CATSPERE: variants seen among roughly 807,000 people sequenced by gnomAD.
The protein encoded by CATSPERE is cation channel sperm-associated auxiliary subunit epsilon.
A neutral mutation model predicts 114.1 loss-of-function variants in CATSPERE; 93 were observed. The observed-to-expected ratio is 0.81, with a 90% CI of 0.69 to 0.97. The LOEUF is 0.97. CATSPERE is among the 50% of genes least tolerant of loss of function. The probability of loss-of-function intolerance (pLI) is 0.00; values close to 1 mark genes in which losing one functional copy is unlikely to be tolerated. For synonymous variants in CATSPERE, 341 were observed against 384.1 expected, an observed-to-expected ratio of 0.89 and a Z score of 1.31; for missense variants, 1,058 against 1,131.6, an observed-to-expected ratio of 0.93 and a Z score of 0.93.
At chr1:244,591,589 C>G (rs893575234) in intron 14 of CATSPERE, 92 bp from the exon 15 acceptor site, 23 of 696,130 alleles carry the variant, frequency 3.3e-5, no homozygotes, top group Non-Finnish European at 5.1e-5. Flanking sequence ...CTGACACTCT[C>G]CTGTTTGAGA....
intron 2 of CATSPERE, among the ~76,000 whole-genome samples, chr1:244,477,297 A>G (rs565868600): frequency 1.2e-4 from 19 of 152,314 alleles, no homozygotes; most frequent in South Asian, 4.1e-4. Context: ...CACCCGGCCA[A>G]TGGATTATTG....
At chr1:244,478,854 C>A (rs1242701290) in intron 4 of CATSPERE, among the ~76,000 whole-genome samples, 1 of 151,572 alleles carries the variant, frequency 6.6e-6, no homozygotes, top group Non-Finnish European at 1.5e-5. Flanking sequence ...ATAGTGAAAC[C>A]CCGTCTCTGC....
At position 244,504,768 on chromosome 1, in the gene CATSPERE, A is replaced by G. The variant is rs1674566427; in HGVS notation, c.429+5689A>G. Among the ~76,000 whole-genome samples the G allele has an allele frequency of 6.6e-6, 1 of 152,228 alleles. No homozygotes were observed. Among genetic ancestry groups the G allele is most frequent in the Non-Finnish European group, 1.5e-5 (1 of 68,050 alleles). On this transcript the variant is annotated intron_variant, in intron 7 of 21. Transcript: ENST00000366534. The surrounding 1 kb of genome is among the most constrained non-coding windows in gnomAD (Gnocchi z 4.1). ...ATTACGCGCAATCAAGGGCGCATAC[A>G]ATCATATGATGTGTCGCTGCTGATG...
chr1:244,609,716 A>C (rs10927279), intron 18 of CATSPERE, among the ~76,000 whole-genome samples: 95,769 of 152,070 alleles, frequency 0.63, 31,967 homozygotes, highest in Middle Eastern at 0.8. Context: ...AGATGACACA[A>C]CTGTTCATGT....
At chr1:244,552,889 T>A in intron 9 of CATSPERE, 75 bp downstream of exon 9, 1 of 788,826 alleles carries the variant, frequency 1.3e-6, no homozygotes, top group Non-Finnish European at 1.7e-6. Flanking sequence ...ATTTACTCAG[T>A]GATAAACAGA....
At chr1:244,528,084 A>G (rs949873672) in intron 8 of CATSPERE, among the ~76,000 whole-genome samples, 2 of 152,188 alleles carry the variant, frequency 1.3e-5, no homozygotes, top group African/African-American at 4.8e-5. Flanking sequence ...TCCATTAGCT[A>G]TTCTTCCTGA....
chr1:244,542,775 T>C (rs3003244), intron 8 of CATSPERE, among the ~76,000 whole-genome samples: 151,552 of 152,280 alleles, frequency 1, 75,421 homozygotes, highest in Middle Eastern at 1. Flanking sequence ...CCTGTCCACT[T>C]TGTAGACCTC....
rs142426439 is a variant in CATSPERE, at chr1:244,634,972, G to C, written c.2649-517G>C. Reference sequence around the variant, plus strand: ...AGATTCTCCCGCCTCAGCCTTCCAAGTAGCTGTGACTACAGGTGCCCACCA... The same window carrying C: ...AGATTCTCCCGCCTCAGCCTTCCAACTAGCTGTGACTACAGGTGCCCACCA... On this transcript the variant is annotated intron_variant, in intron 20 of 21. Coordinates refer to ENST00000366534, the MANE Select transcript of CATSPERE (RefSeq NM_001130957.2). Among the ~76,000 whole-genome samples the C allele has an allele frequency of 3.7e-3, 569 of 152,270 alleles. 8 individuals carry two copies. The highest frequency in any genetic ancestry group is 0.031 in the Admixed American group (472 of 15,302).
At chr1:244,580,296 C>T (rs965644059) in intron 11 of CATSPERE, among the ~76,000 whole-genome samples, 1 of 146,600 alleles carries the variant, frequency 6.8e-6, no homozygotes, top group Non-Finnish European at 1.5e-5. Context: ...CAAGTGATCT[C>T]TTCGATAGGG....
rs1664593895 is a variant in CATSPERE, at chr1:244,572,345, T to C, written c.1523T>C (p.Ile508Thr). 1 of 1,435,294 alleles carries C rather than the reference T, an allele frequency of 7.0e-7. No homozygotes were observed. Among genetic ancestry groups the C allele is most frequent in the East Asian group, 2.4e-5 (1 of 42,060 alleles). 88.9% of individuals were successfully genotyped at this position (1,435,294 alleles called of 1,614,324 possible). ...HEVFIDYYGD[I>T]LVKMENNVIF... ...TTTTTTCCAGATTATTATGGAGATA[T>C]TTTGGTAAAAATGGAAAATAATGTA... Residue 508 changes from isoleucine to threonine, a missense_variant, in exon 11 of 22, where the codon ATT becomes ACT. Ile to Thr is a moderately conservative substitution (Grantham distance 89, BLOSUM62 -1). Around this residue, in one of 2 missense-constraint regions of CATSPERE, gnomAD observed 787 missense variants for 905.6 expected, o/e 0.87. Transcript: ENST00000366534.
rs1326525192 is a variant in CATSPERE, at chr1:244,625,426, A to ATTTTTTT, written c.2648+7741_2648+7742insTTTTTTT. 9.4e-3 allele frequency among the ~76,000 whole-genome samples: 37 copies of ATTTTTTT among 3,940 alleles called. 2 individuals carry two copies. The highest frequency in any genetic ancestry group is 0.018 in the Non-Finnish European group (28 of 1,518). The allele number at this position is 3,940 out of a possible 152,430, so 2.6% of individuals were successfully genotyped here. ...ATTATTTATATATATATATATATAT[A>ATTTTTTT]TATATATTTTTTTTTTTTTTTGAGA... is the stretch of plus-strand genomic sequence containing the variant. On this transcript the variant is annotated intron_variant, in intron 20 of 21. Transcript: ENST00000366534.
rs764503889 is a variant in CATSPERE at position 244,552,432 on chromosome 1, C to T, written c.647C>T (p.Thr216Ile). The part of the protein sequence containing the change: ...CFIADFLILL[T>I]FPLLTIPEIP... ...ATTGCAGATTTTCTTATTCTGTTGA[C>T]TTTTCCTTTGTTGACCATACCTGAA... is the stretch of plus-strand genomic sequence containing the variant. Residue 216 changes from threonine to isoleucine, a missense_variant, in exon 9 of 22, where the codon ACT becomes ATT. Thr to Ile is a moderately conservative substitution (Grantham distance 89, BLOSUM62 -1). Coordinates refer to ENST00000366534, the MANE Select transcript of CATSPERE (RefSeq NM_001130957.2). 7.4e-6 allele frequency: 12 copies of T among 1,614,156 alleles called. No individual in the cohort carries two copies. Among genetic ancestry groups the T allele is most frequent in the Non-Finnish European group, 1.0e-5 (12 of 1,180,022 alleles).
At chr1:244,455,645 G>T (rs1231982613) in intron 1 of CATSPERE, among the ~76,000 whole-genome samples, 1 of 151,500 alleles carries the variant, frequency 6.6e-6, no homozygotes, top group Non-Finnish European at 1.5e-5. Flanking sequence ...TATTTTTCTG[G>T]AAAAAGGTCT....
intron 17 of CATSPERE, 31 bp from the exon 18 acceptor site, chr1:244,605,664 C>T: frequency 6.9e-7 from 1 of 1,440,262 alleles, no homozygotes; most frequent in Non-Finnish European, 9.8e-7. Context: ...TTATATTAAA[C>T]TAGTATCTTT....
intron 19 of CATSPERE, among the ~76,000 whole-genome samples, chr1:244,613,725 C>T (rs1573009584): frequency 6.6e-6 from 1 of 152,254 alleles, no homozygotes; most frequent in East Asian, 1.9e-4. Flanking sequence ...AAGAATCCTT[C>T]AAAAATCCTT....
At chr1:244,494,046 A>G (rs1220137730) in intron 6 of CATSPERE, among the ~76,000 whole-genome samples, 4 of 152,170 alleles carry the variant, frequency 2.6e-5, no homozygotes, top group African/African-American at 9.7e-5. Flanking sequence ...CAGTGTGGCG[A>G]TTCCTCAGGG....
intron 11 of CATSPERE, among the ~76,000 whole-genome samples, chr1:244,581,397 G>T (rs976474517): frequency 3.9e-5 from 6 of 152,136 alleles, no homozygotes; most frequent in Admixed American, 6.5e-5. Flanking sequence ...TATACCTCCT[G>T]AAAAGCACAT....
At chr1:244,479,028 CAAAA>C (rs1161485991) in intron 4 of CATSPERE, among the ~76,000 whole-genome samples, 3 of 47,516 alleles carry the variant, frequency 6.3e-5, no homozygotes, top group Admixed American at 3.0e-4. Flanking sequence ...AACTTCGTCT[CAAAA>C]AAAAAAAAAA....
intron 4 of CATSPERE, among the ~76,000 whole-genome samples, chr1:244,478,759 C>T (rs554731983): frequency 9.9e-5 from 15 of 152,194 alleles, no homozygotes; most frequent in Admixed American, 5.2e-4. Flanking sequence ...TCATGCCGGG[C>T]GCGGTGGCTC....
Sources: gnomAD v4.1 joint callset for allele counts (sites outside exome capture counted in the v4.1 genomes callset) on GRCh38, gnomAD v4.1.1 for gene constraint, gnomAD v4.1.1 regional missense constraint, Gnocchi (gnomAD v3.1) non-coding constraint, MANE v1.5 for transcripts, NCBI Gene and HGNC (gene_info 2026-07-23, HGNC 2026-07-21) for gene names.